MAP3K5: variants seen among roughly 807,000 people sequenced by gnomAD.
MAP3K5 encodes mitogen-activated protein kinase kinase kinase 5.
A neutral mutation model predicts 158.7 loss-of-function variants in MAP3K5; 56 were observed. That is an observed-to-expected ratio of 0.35 (90% confidence interval 0.28 to 0.44). The LOEUF (loss-of-function observed/expected upper bound fraction) is 0.44, where lower values mean the gene tolerates loss of function less well. Among genes scored for constraint, MAP3K5 ranks in the 20% least tolerant of loss-of-function variants. The probability of loss-of-function intolerance (pLI) is 1.00; values close to 1 mark genes in which losing one functional copy is unlikely to be tolerated. For synonymous variants in MAP3K5, 579 were observed against 601.7 expected (o/e 0.96, Z 0.55); for missense variants, 1,294 against 1,674.8 (o/e 0.77, Z 3.97).
At position 136,661,902 on chromosome 6, in the gene MAP3K5, G is replaced by T. The variant is rs1779022467; in HGVS notation, c.1367-2524C>A. ...TTGAACCTCAGAAGTTCATTTTGTG[G>T]TGGTGATATTTGGTTTTGGCCTTGC... On this transcript the variant is annotated intron_variant, in intron 8 of 29. Coordinates refer to ENST00000359015, the MANE Select transcript of MAP3K5 (RefSeq NM_005923.4). Among the ~76,000 whole-genome samples, 3 of 152,144 alleles carry T rather than the reference G, an allele frequency of 2.0e-5. No individual in the cohort carries two copies. The South Asian group carries it at 6.2e-4, about 31-fold the overall frequency.
At chr6:136,704,310 G>A (rs1328195543) in intron 3 of MAP3K5, among the ~76,000 whole-genome samples, 2 of 152,116 alleles carry the variant, frequency 1.3e-5, no homozygotes, top group Non-Finnish European at 2.9e-5. Context: ...ACAGACACTG[G>A]AGAGACGATC....
chr6:136,602,490 A>C (rs1420762386), intron 19 of MAP3K5, among the ~76,000 whole-genome samples: 1 of 152,028 alleles, frequency 6.6e-6, no homozygotes, highest in African/African-American at 2.4e-5. Context: ...CTTTTTGTAG[A>C]GATGGGGTTT....
At chr6:136,752,008 AT>A (rs1397487546) in intron 1 of MAP3K5, among the ~76,000 whole-genome samples, 1 of 152,196 alleles carries the variant, frequency 6.6e-6, no homozygotes, top group Non-Finnish European at 1.5e-5. Context: ...TTTACTTTTC[AT>A]TCTAGAGCCT....
chr6:136,649,346 C>G (rs1490602662), intron 11 of MAP3K5, among the ~76,000 whole-genome samples: 2 of 152,204 alleles, frequency 1.3e-5, no homozygotes, highest in South Asian at 2.1e-4. Flanking sequence ...TCTTGAAAAG[C>G]AGCATCCCCA....
rs769209994 is a variant in MAP3K5 at position 136,731,668 on chromosome 6, G to C, written c.449-11079C>G. Among the ~76,000 whole-genome samples the C allele has an allele frequency of 7.0e-4, 106 of 152,222 alleles. 1 individual carries two copies. Among genetic ancestry groups the C allele is most frequent in the Non-Finnish European group, 1.4e-3 (97 of 68,026 alleles). On this transcript the variant is annotated intron_variant, in intron 1 of 29. Transcript: ENST00000359015. ...TATTAGGGTGGCAGGGGAGGTGAGG[G>C]ACAAATTTTAGCTTACCACAAGGAT... is the stretch of plus-strand genomic sequence containing the variant.
chr6:136,745,129 T>C (rs1782877026), intron 1 of MAP3K5, among the ~76,000 whole-genome samples: 2 of 146,974 alleles, frequency 1.4e-5, no homozygotes, highest in African/African-American at 5.0e-5. Context: ...GGCATACACT[T>C]GGCAGTCATT....
At chr6:136,580,003 T>C (rs950008872) in intron 25 of MAP3K5, among the ~76,000 whole-genome samples, 5 of 152,206 alleles carry the variant, frequency 3.3e-5, no homozygotes, top group African/African-American at 1.2e-4. Flanking sequence ...TGTTTTGTGG[T>C]CCAGATATCT....
intron 7 of MAP3K5, 100 bp downstream of exon 7, chr6:136,694,040 C>G: frequency 1.1e-6 from 1 of 885,350 alleles, no homozygotes; most frequent in East Asian, 2.5e-5. Context: ...AATACACAAT[C>G]TTATGGATTA....
intron 25 of MAP3K5, among the ~76,000 whole-genome samples, chr6:136,576,754 T>G (rs192283098): frequency 2.0e-5 from 3 of 152,216 alleles, no homozygotes; most frequent in Non-Finnish European, 4.4e-5. Flanking sequence ...CGTACAATCA[T>G]GTACGGTATA....
rs145415185 is a variant in MAP3K5 at position 136,663,606 on chromosome 6, C to CT, written c.1367-4229dup. Among the ~76,000 whole-genome samples, 739 of 121,464 alleles carry CT rather than the reference C, an allele frequency of 6.1e-3. 8 individuals carry two copies. Among genetic ancestry groups the CT allele is most frequent in the Middle Eastern group, 9.2e-3 (2 of 218 alleles). 79.7% of individuals were successfully genotyped at this position (121,464 alleles called of 152,430 possible). A position where few individuals can be genotyped will look rare whatever the true frequency, so the allele number is the denominator to read the frequency against. On this transcript the variant is annotated intron_variant, in intron 8 of 29. Coordinates refer to ENST00000359015, the MANE Select transcript of MAP3K5 (RefSeq NM_005923.4). ...AGTTTTTATGTCTCTAAATTTCTCACTTTTTTTTTTTTTTTTTTTTGGAGA... is the reference window on the plus strand; with the variant it reads ...AGTTTTTATGTCTCTAAATTTCTCACTTTTTTTTTTTTTTTTTTTTTGGAGA...
At chr6:136,793,060 G>A (rs1785160257), upstream of MAP3K5, among the ~76,000 whole-genome samples, 1 of 152,196 alleles carries the variant, frequency 6.6e-6, no homozygotes, top group Non-Finnish European at 1.5e-5. Flanking sequence ...GCGATTACGG[G>A]GTGGCGCAGA....
intron 15 of MAP3K5, among the ~76,000 whole-genome samples, chr6:136,614,761 A>C (rs769568493): frequency 3.9e-5 from 6 of 152,200 alleles, no homozygotes; most frequent in Non-Finnish European, 8.8e-5. Flanking sequence ...ATTTACTATT[A>C]ATCAGGAGAC....
intron 15 of MAP3K5, among the ~76,000 whole-genome samples, chr6:136,618,788 T>C (rs1240589119): frequency 6.6e-6 from 1 of 152,214 alleles, no homozygotes; most frequent in Non-Finnish European, 1.5e-5. Flanking sequence ...TCATGTCTCA[T>C]GAATTAACTA....
At position 136,716,027 on chromosome 6, in the gene MAP3K5, C is replaced by CAAAAAAAAAAAAAAAAAAAAAA. The variant is rs60678515; in HGVS notation, c.588+4401_588+4422dup. Reference sequence around the variant, plus strand: ...CCCGGGTGACAAAGCAAGATCGTCTCAAAAAAAAAAAAAAAAAAAAAAAAA... The same window carrying CAAAAAAAAAAAAAAAAAAAAAA: ...CCCGGGTGACAAAGCAAGATCGTCTCAAAAAAAAAAAAAAAAAAAAAAAAAAAAAAAAAAAAAAAAAAAAAAA... On this transcript the variant is annotated intron_variant, in intron 2 of 29. Coordinates refer to ENST00000359015, the MANE Select transcript of MAP3K5 (RefSeq NM_005923.4). Among the ~76,000 whole-genome samples the CAAAAAAAAAAAAAAAAAAAAAA allele has an allele frequency of 8.7e-4, 20 of 23,036 alleles. 7 individuals carry two copies. Among genetic ancestry groups the CAAAAAAAAAAAAAAAAAAAAAA allele is most frequent in the Admixed American group, 3.0e-3 (3 of 992 alleles). The allele number at this position is 23,036 out of a possible 152,430, so 15.1% of individuals were successfully genotyped here. A position where few individuals can be genotyped will look rare whatever the true frequency, so the allele number is the denominator to read the frequency against.
At chr6:136,663,565 A>T (rs1779098102) in intron 8 of MAP3K5, among the ~76,000 whole-genome samples, 1 of 151,470 alleles carries the variant, frequency 6.6e-6, no homozygotes, top group African/African-American at 2.4e-5. Context: ...CCAATCAAGG[A>T]ACATTAATTG....
chr6:136,713,402 T>C (rs1311360767), intron 2 of MAP3K5, among the ~76,000 whole-genome samples: 4 of 152,174 alleles, frequency 2.6e-5, no homozygotes, highest in African/African-American at 4.8e-5. Flanking sequence ...GGGCATATTT[T>C]ACCCAGTCTA....
chr6:136,720,440 A>T lies in MAP3K5; in HGVS notation c.588+10T>A. On this transcript the variant is annotated intron_variant, in intron 2 of 29. Transcript: ENST00000359015. ...GTTAAAATGAAACATTCAGTAAACAAGGGAGGTACCTTCAGTGACTGCAGA... is the reference window on the plus strand; with the variant it reads ...GTTAAAATGAAACATTCAGTAAACATGGGAGGTACCTTCAGTGACTGCAGA... 1 of 1,581,050 alleles carries T rather than the reference A, an allele frequency of 6.3e-7. No individual in the cohort carries two copies. Among genetic ancestry groups the T allele is most frequent in the Non-Finnish European group, 8.6e-7 (1 of 1,165,834 alleles).
At chr6:136,590,667 C>T (rs573701628) in intron 23 of MAP3K5, among the ~76,000 whole-genome samples, 46 of 152,068 alleles carry the variant, frequency 3.0e-4, no homozygotes, top group African/African-American at 5.5e-4. Flanking sequence ...CAGACTCCCA[C>T]GTAGCTGGGA....
intron 1 of MAP3K5, among the ~76,000 whole-genome samples, chr6:136,754,360 T>C (rs1456844269): frequency 6.6e-6 from 1 of 152,054 alleles, no homozygotes; most frequent in Non-Finnish European, 1.5e-5. Context: ...GGGGAACTGC[T>C]TGACCCCAGG....
Sources: allele counts gnomAD v4.1 joint callset (sites outside exome capture counted in the v4.1 genomes callset), GRCh38; gene constraint gnomAD v4.1.1; transcripts MANE v1.5; gene names NCBI Gene and HGNC (gene_info 2026-07-23, HGNC 2026-07-21).